The following EXOC6B variants were observed in gnomAD, a reference collection of about 807,000 sequenced individuals.
EXOC6B encodes the protein SEC15 homolog B.
EXOC6B carries 54 observed loss-of-function variants against 113.5 expected under a neutral mutation model. The ratio of observed to expected loss-of-function variants is 0.48; its 90% confidence interval spans 0.38 to 0.60. The LOEUF is 0.60. EXOC6B is among the 20% of genes least tolerant of loss of function. EXOC6B has a pLI of 0.00. For synonymous variants in EXOC6B, 357 were observed against 339.0 expected, an observed-to-expected ratio of 1.05 and a Z score of -0.58; for missense variants, 797 against 977.5, an observed-to-expected ratio of 0.82 and a Z score of 2.46.
chr2:72,421,303 C>T (rs7596126), intron 18 of EXOC6B, among the ~76,000 whole-genome samples: 33,658 of 152,132 alleles, frequency 0.22, 7,229 homozygotes, highest in African/African-American at 0.57. Flanking sequence ...CGTGGAACTA[C>T]ACATTCTTTA....
chr2:72,482,214 G>A (rs1014788448), intron 16 of EXOC6B, among the ~76,000 whole-genome samples: 4 of 152,030 alleles, frequency 2.6e-5, no homozygotes, highest in African/African-American at 9.7e-5. Flanking sequence ...ACCCCAATAT[G>A]CTCTGATTCT....
intron 6 of EXOC6B, among the ~76,000 whole-genome samples, chr2:72,625,891 T>G (rs1055240734): frequency 1.6e-4 from 24 of 152,200 alleles, no homozygotes; most frequent in African/African-American, 5.5e-4. Flanking sequence ...TTTACTGTGG[T>G]TTTTTACAAA....
At chr2:72,281,320 A>T (rs1573167109) in intron 20 of EXOC6B, among the ~76,000 whole-genome samples, 1 of 152,202 alleles carries the variant, frequency 6.6e-6, no homozygotes, top group Non-Finnish European at 1.5e-5. Flanking sequence ...AATGGCTGGG[A>T]TTCAGTAAAA....
rs143094769 is a variant in EXOC6B at position 72,565,493 on chromosome 2, G to A, written c.847-5972C>T. On this transcript the variant is annotated intron_variant, in intron 7 of 21. Transcript: ENST00000272427. Reference sequence around the variant, plus strand: ...AATTTTGCACTACTTGGTATTAAACGTAAAAGGTCTGGGAGGATAAAAAAT... The same window carrying A: ...AATTTTGCACTACTTGGTATTAAACATAAAAGGTCTGGGAGGATAAAAAAT... Among the ~76,000 whole-genome samples, 576 of 151,384 alleles carry A rather than the reference G, an allele frequency of 3.8e-3. 6 individuals are homozygous for A. The highest frequency in any genetic ancestry group is 0.013 in the African/African-American group (554 of 41,224).
intron 6 of EXOC6B, among the ~76,000 whole-genome samples, chr2:72,681,329 G>A (rs952901921): frequency 7.9e-5 from 12 of 152,028 alleles, no homozygotes; most frequent in South Asian, 2.1e-4. Flanking sequence ...TGCAGGTGCC[G>A]CTGTGAGCAC....
intron 8 of EXOC6B, among the ~76,000 whole-genome samples, chr2:72,538,263 T>C (rs1702414366): frequency 6.6e-6 from 1 of 152,074 alleles, no homozygotes; most frequent in Non-Finnish European, 1.5e-5. Context: ...GCCCAAGAAA[T>C]TTCTTCACTA....
intron 6 of EXOC6B, among the ~76,000 whole-genome samples, chr2:72,684,948 C>T (rs1464921939): frequency 6.6e-6 from 1 of 152,008 alleles, no homozygotes; most frequent in African/African-American, 2.4e-5. Flanking sequence ...AAACTCGCTT[C>T]AGATTTGCGT....
At chr2:72,577,219 C>T (rs1346995897) in intron 6 of EXOC6B, among the ~76,000 whole-genome samples, 1 of 151,982 alleles carries the variant, frequency 6.6e-6, no homozygotes, top group African/African-American at 2.4e-5. Context: ...AGAAGTACCC[C>T]AAATCATTTA....
At chr2:72,648,503 C>T (rs1673914022) in intron 6 of EXOC6B, among the ~76,000 whole-genome samples, 1 of 152,180 alleles carries the variant, frequency 6.6e-6, no homozygotes. Flanking sequence ...TGGCACTATT[C>T]ACAATAGCAA....
intron 6 of EXOC6B, among the ~76,000 whole-genome samples, chr2:72,673,595 C>G (rs1358828799): frequency 4.6e-5 from 7 of 151,924 alleles, no homozygotes; most frequent in African/African-American, 1.7e-4. Flanking sequence ...AAAGTCTTAA[C>G]AAAGAAAAGC....
At chr2:72,227,422 T>C (rs1227622657) in intron 20 of EXOC6B, among the ~76,000 whole-genome samples, 2 of 152,110 alleles carry the variant, frequency 1.3e-5, no homozygotes, top group African/African-American at 4.8e-5. Context: ...AACTTGTACA[T>C]AACCAATAAC....
chr2:72,420,414 T>A, intron 18 of EXOC6B, among the ~76,000 whole-genome samples: 1 of 152,128 alleles, frequency 6.6e-6, no homozygotes, highest in East Asian at 1.9e-4. Flanking sequence ...CAGGCCCCAG[T>A]GTGTGATGTT....
At chr2:72,709,179 G>C (rs1347908175) in intron 6 of EXOC6B, among the ~76,000 whole-genome samples, 1 of 151,720 alleles carries the variant, frequency 6.6e-6, no homozygotes, top group African/African-American at 2.4e-5. Context: ...CTATTGCTTT[G>C]GCCATCCTGA....
intron 20 of EXOC6B, among the ~76,000 whole-genome samples, chr2:72,268,127 T>C (rs1684250527): frequency 6.6e-6 from 1 of 152,206 alleles, no homozygotes. Context: ...TTTTGTTTTT[T>C]TGAGACAGAG....
intron 5 of EXOC6B, among the ~76,000 whole-genome samples, chr2:72,721,390 G>GAAAA (rs1679996399): frequency 5.4e-4 from 28 of 51,912 alleles, no homozygotes; most frequent in East Asian, 1.5e-3. Flanking sequence ...AAAAAAAAAT[G>GAAAA]AACAAAGAAA....
intron 6 of EXOC6B, among the ~76,000 whole-genome samples, chr2:72,638,394 G>A (rs550189703): frequency 5.9e-5 from 9 of 152,144 alleles, no homozygotes; most frequent in African/African-American, 1.7e-4. Context: ...CAGGATGGCC[G>A]ACTAGATGCA....
At chr2:72,585,818 C>G (rs997886057) in intron 6 of EXOC6B, among the ~76,000 whole-genome samples, 10 of 151,970 alleles carry the variant, frequency 6.6e-5, no homozygotes, top group Admixed American at 2.6e-4. Context: ...AACCTACCAA[C>G]CTAAAAAAAG....
chr2:72,357,303 T>C (rs1195150735), intron 19 of EXOC6B, among the ~76,000 whole-genome samples: 1 of 152,170 alleles, frequency 6.6e-6, no homozygotes, highest in Non-Finnish European at 1.5e-5. Flanking sequence ...TAGGGAGGCA[T>C]GTATAGGAAA....
At chr2:72,626,582 G>T (rs936697528) in intron 6 of EXOC6B, among the ~76,000 whole-genome samples, 1 of 152,082 alleles carries the variant, frequency 6.6e-6, no homozygotes, top group African/African-American at 2.4e-5. Flanking sequence ...GAACTGCCTA[G>T]GATGTTTGTG....
Sources: allele counts gnomAD v4.1 joint callset (sites outside exome capture counted in the v4.1 genomes callset), GRCh38; gene constraint gnomAD v4.1.1; transcripts MANE v1.5; gene names NCBI Gene and HGNC (gene_info 2026-07-23, HGNC 2026-07-21).